Variants in DIS3L2 observed in about 807,000 individuals in gnomAD.
The protein encoded by DIS3L2 is DIS3-like exonuclease 2.
In DIS3L2, 34 loss-of-function variants were observed where a neutral mutation model predicts 97.5. The observed-to-expected ratio is 0.35, with a 90% CI of 0.27 to 0.46. DIS3L2 has a LOEUF of 0.46. Among genes scored for constraint, DIS3L2 ranks in the 20% least tolerant of loss-of-function variants. The probability of loss-of-function intolerance (pLI) is 1.00; values close to 1 mark genes in which losing one functional copy is unlikely to be tolerated. For synonymous variants in DIS3L2, 435 were observed against 445.2 expected (o/e 0.98, Z 0.29); for missense variants, 1,038 against 1,146.0 (o/e 0.91, Z 1.36).
At chr2:232,072,884 A>T (rs950992986) in intron 5 of DIS3L2, among the ~76,000 whole-genome samples, 1 of 151,516 alleles carries the variant, frequency 6.6e-6, no homozygotes, top group Non-Finnish European at 1.5e-5. Context: ...TGATTGATTG[A>T]TAAGGACTGC....
At chr2:232,317,482 G>C (rs2106336266) in intron 14 of DIS3L2, among the ~76,000 whole-genome samples, 1 of 152,282 alleles carries the variant, frequency 6.6e-6, no homozygotes, top group African/African-American at 2.4e-5. Flanking sequence ...TGTTGCCCAG[G>C]CTGGAGTACA....
chr2:232,294,196 G>A (rs1314905026), intron 13 of DIS3L2, among the ~76,000 whole-genome samples: 1 of 152,234 alleles, frequency 6.6e-6, no homozygotes, highest in African/African-American at 2.4e-5. Flanking sequence ...TCTAGGGCCA[G>A]GAAATGCCAT....
chr2:232,228,104 T>C (rs1235096398), intron 10 of DIS3L2, among the ~76,000 whole-genome samples: 1 of 152,070 alleles, frequency 6.6e-6, no homozygotes, highest in Non-Finnish European at 1.5e-5. Context: ...GTAGCTGGGA[T>C]TACAGGCATG....
At chr2:232,114,716 C>T (rs1279557111) in intron 6 of DIS3L2, among the ~76,000 whole-genome samples, 1 of 152,172 alleles carries the variant, frequency 6.6e-6, no homozygotes, top group Non-Finnish European at 1.5e-5. Context: ...ACAGAAAACT[C>T]AGGCATAGGG....
intron 13 of DIS3L2, among the ~76,000 whole-genome samples, chr2:232,277,104 G>C (rs1038504894): frequency 2.0e-5 from 3 of 152,186 alleles, no homozygotes; most frequent in African/African-American, 7.2e-5. Context: ...GGCAGAGTGA[G>C]CCTCATTGCC....
intron 13 of DIS3L2, among the ~76,000 whole-genome samples, chr2:232,291,231 T>C (rs1019334407): frequency 7.9e-5 from 12 of 152,000 alleles, no homozygotes; most frequent in African/African-American, 9.7e-5. Context: ...AAAAAGGAGA[T>C]GGAAAAAAAG....
At chr2:232,187,088 A>G (rs557595261) in intron 9 of DIS3L2, among the ~76,000 whole-genome samples, 197 of 152,332 alleles carry the variant, frequency 1.3e-3, no homozygotes, top group African/African-American at 4.7e-3. Context: ...CTTAACAATA[A>G]AAAAGACAAT....
chr2:232,329,840 C>A lies in DIS3L2; in HGVS notation c.1767C>A (p.Ala589=). The A allele has an allele frequency of 7.5e-7, 1 of 1,338,948 alleles. No homozygotes were observed. The highest frequency in any genetic ancestry group is 9.9e-7 in the Non-Finnish European group (1 of 1,008,702). 82.9% of individuals were successfully genotyped at this position (1,338,948 alleles called of 1,614,324 possible). ...NKLVEEFMLL[A]NMAVAHKIHR... ...TCGTGGAGGAGTTCATGCTCTTGGC[C>A]AACATGGCAGTGGCCCACAAGATCC... Residue 589 remains alanine, a synonymous_variant, in exon 15 of 21, where the codon GCC becomes GCA. Coordinates refer to ENST00000325385, the MANE Select transcript of DIS3L2 (RefSeq NM_152383.5).
intron 6 of DIS3L2, among the ~76,000 whole-genome samples, chr2:232,111,467 G>T (rs1217860392): frequency 6.6e-6 from 1 of 152,068 alleles, no homozygotes; most frequent in African/African-American, 2.4e-5. Flanking sequence ...CAGTTGCCAA[G>T]CTGGGTCTTG....
intron 9 of DIS3L2, among the ~76,000 whole-genome samples, chr2:232,173,141 A>T (rs1691040499): frequency 6.6e-6 from 1 of 151,998 alleles, no homozygotes; most frequent in South Asian, 2.1e-4. Context: ...TTTGATGAAG[A>T]CCCGTTTAGT....
chr2:231,987,269 G>C (rs1229893925), intron 1 of DIS3L2, among the ~76,000 whole-genome samples: 1 of 152,184 alleles, frequency 6.6e-6, no homozygotes, highest in Non-Finnish European at 1.5e-5. Context: ...TTTGTAATAA[G>C]ATGTGGCAAT....
Position 232,136,747 on chromosome 2 carries a change from C to T in DIS3L2, c.950+28C>T, listed in dbSNP as rs375555351. On this transcript the variant is annotated intron_variant, in intron 8 of 20. Coordinates refer to ENST00000325385, the MANE Select transcript of DIS3L2 (RefSeq NM_152383.5). ...AGGTGATCTCTGGTAGGAAAAACCACAGGTCACAGGCAGAACTCAGTTTAG... is the reference window on the plus strand; with the variant it reads ...AGGTGATCTCTGGTAGGAAAAACCATAGGTCACAGGCAGAACTCAGTTTAG... The T allele has an allele frequency of 7.6e-5, 123 of 1,609,550 alleles. No individual in the cohort carries two copies. The African/African-American group carries it at 1.3e-3, about 17-fold the overall frequency.
chr2:232,160,999 C>T (rs747193067), intron 8 of DIS3L2, among the ~76,000 whole-genome samples: 1 of 152,146 alleles, frequency 6.6e-6, no homozygotes, highest in Non-Finnish European at 1.5e-5. Context: ...CTCACCGCAA[C>T]CTCCGCCTCC....
intron 9 of DIS3L2, among the ~76,000 whole-genome samples, chr2:232,186,814 T>C (rs1422207853): frequency 1.3e-5 from 2 of 152,210 alleles, no homozygotes. Flanking sequence ...TACAAATTAA[T>C]TTAAAGTGGA....
chr2:231,984,409 C>CG (rs1693351395), intron 1 of DIS3L2, among the ~76,000 whole-genome samples: 2 of 124,494 alleles, frequency 1.6e-5, no homozygotes, highest in Non-Finnish European at 3.2e-5. Context: ...TTTTTTGAGA[C>CG]GGAGTCTGGC....
At chr2:232,056,498 G>C (rs1695553775) in intron 5 of DIS3L2, among the ~76,000 whole-genome samples, 1 of 152,142 alleles carries the variant, frequency 6.6e-6, no homozygotes, top group African/African-American at 2.4e-5. Context: ...AATCTGCACA[G>C]TGGGAGAAGA....
chr2:231,980,159 A>G (rs1448592472), intron 1 of DIS3L2, among the ~76,000 whole-genome samples: 1 of 152,162 alleles, frequency 6.6e-6, no homozygotes, highest in African/African-American at 2.4e-5. Context: ...TATTTTGGGC[A>G]TTCTTCTATT....
chr2:232,287,502 G>A (rs192789249), intron 13 of DIS3L2, among the ~76,000 whole-genome samples: 26 of 144,978 alleles, frequency 1.8e-4, no homozygotes, highest in Admixed American at 8.1e-4. Context: ...GGGCTTAAAT[G>A]ACCCTCCCAC....
chr2:232,219,439 T>C (rs1361735018), intron 10 of DIS3L2, among the ~76,000 whole-genome samples: 2 of 152,180 alleles, frequency 1.3e-5, no homozygotes, highest in East Asian at 1.9e-4. Context: ...TTTATTTCCA[T>C]GTACTTCTGT....
Sources: allele counts gnomAD v4.1 joint callset (sites outside exome capture counted in the v4.1 genomes callset), GRCh38; gene constraint gnomAD v4.1.1; transcripts MANE v1.5; gene names NCBI Gene and HGNC (gene_info 2026-07-23, HGNC 2026-07-21).